The following SH3BGRL2 variants were observed in gnomAD, a reference collection of about 807,000 sequenced individuals.
SH3BGRL2 encodes SH3 domain-binding glutamic acid-rich-like protein 2.
A neutral mutation model predicts 14.8 loss-of-function variants in SH3BGRL2; 21 were observed. The ratio of observed to expected loss-of-function variants is 1.42; its 90% CI spans 1.01 to 2.05. SH3BGRL2 has a LOEUF of 2.05. Ranked by LOEUF, SH3BGRL2 falls within the 30% of genes most tolerant of loss-of-function variation. The pLI is 0.00. For missense variants in SH3BGRL2, 147 were observed against 130.8 expected (o/e 1.12, Z -0.61); for synonymous variants, 50 against 47.8 (o/e 1.05, Z -0.19).
the SH3BGRL2 span, among the ~76,000 whole-genome samples, chr6:79,622,592 C>T: frequency 2.6e-5 from 4 of 152,140 alleles, no homozygotes; most frequent in African/African-American, 4.8e-5. Flanking sequence ...AAGTGTTTCA[C>T]CCCATCCCCC....
the SH3BGRL2 span, among the ~76,000 whole-genome samples, chr6:79,554,124 T>C: frequency 1.5e-5 from 2 of 134,926 alleles, no homozygotes; most frequent in Non-Finnish European, 3.1e-5. Flanking sequence ...AATTATGTAG[T>C]CAGTCGAGCC....
At chr6:79,637,989 G>GT (rs748091838) in intron 1 of SH3BGRL2, among the ~76,000 whole-genome samples, 24 of 152,038 alleles carry the variant, frequency 1.6e-4, no homozygotes, top group African/African-American at 5.8e-4. Flanking sequence ...AGAATTAGAA[G>GT]TTTTTTTAAC....
At chr6:79,671,360 A>C (rs1769769998) in intron 1 of SH3BGRL2, among the ~76,000 whole-genome samples, 1 of 152,158 alleles carries the variant, frequency 6.6e-6, no homozygotes, top group South Asian at 2.1e-4. Flanking sequence ...GAGGCAGGAG[A>C]ATCACTTGAA....
intron 3 of SH3BGRL2, among the ~76,000 whole-genome samples, chr6:79,697,866 A>G (rs1364520805): frequency 2.0e-5 from 3 of 152,212 alleles, no homozygotes; most frequent in Non-Finnish European, 4.4e-5. Context: ...ATCATTGTCT[A>G]TGCAAAAACC....
the SH3BGRL2 span, among the ~76,000 whole-genome samples, chr6:79,563,144 ATT>A: frequency 1.3e-4 from 18 of 138,294 alleles, no homozygotes; most frequent in African/African-American, 1.1e-4. Flanking sequence ...TTTTTTTTGT[ATT>A]TTTTTTTTTT....
the SH3BGRL2 span, among the ~76,000 whole-genome samples, chr6:79,576,454 A>G: frequency 1.3e-5 from 2 of 152,150 alleles, no homozygotes; most frequent in Non-Finnish European, 2.9e-5. Flanking sequence ...ATTGGTTAGC[A>G]GTCATTTCCT....
At chr6:79,650,842 A>C (rs977253740) in intron 1 of SH3BGRL2, among the ~76,000 whole-genome samples, 1 of 151,938 alleles carries the variant, frequency 6.6e-6, no homozygotes, top group African/African-American at 2.4e-5. Flanking sequence ...AAGTATATCA[A>C]TTTATGCCTA....
intron 1 of SH3BGRL2, among the ~76,000 whole-genome samples, chr6:79,631,825 T>A (rs1374256913): frequency 1.3e-5 from 2 of 152,226 alleles, no homozygotes; most frequent in African/African-American, 4.8e-5. Flanking sequence ...TTCAAGAGCT[T>A]CGGGGATCCC....
intron 1 of SH3BGRL2, among the ~76,000 whole-genome samples, chr6:79,665,242 A>G (rs1019181516): frequency 6.6e-6 from 1 of 152,182 alleles, no homozygotes; most frequent in African/African-American, 2.4e-5. Context: ...TTGAAACACC[A>G]TCTTTACAAC....
intron 2 of SH3BGRL2, among the ~76,000 whole-genome samples, chr6:79,678,407 GCTT>G (rs1769926557): frequency 6.6e-6 from 1 of 151,930 alleles, no homozygotes; most frequent in Admixed American, 6.6e-5. Flanking sequence ...TTTGCAACTG[GCTT>G]CTTTCACTTA....
intron 2 of SH3BGRL2, among the ~76,000 whole-genome samples, chr6:79,683,534 C>T (rs1770032562): frequency 6.6e-6 from 1 of 151,876 alleles, no homozygotes; most frequent in Non-Finnish European, 1.5e-5. Context: ...TCACCACTCA[C>T]TGCAGCCAGG....
the SH3BGRL2 span, among the ~76,000 whole-genome samples, chr6:79,624,979 C>G: frequency 6.6e-6 from 1 of 151,934 alleles, no homozygotes; most frequent in Non-Finnish European, 1.5e-5. Context: ...CAGATGAGCC[C>G]AGGCAACATA....
chr6:79,594,013 C>A, the SH3BGRL2 span, among the ~76,000 whole-genome samples: 1 of 126,250 alleles, frequency 7.9e-6, no homozygotes, highest in African/African-American at 3.1e-5. Flanking sequence ...TGACAAGAGC[C>A]AGACTCTGTC....
chr6:79,538,030 T>G, the SH3BGRL2 span, among the ~76,000 whole-genome samples: 6 of 106,076 alleles, frequency 5.7e-5, no homozygotes, highest in African/African-American at 8.3e-5. Flanking sequence ...TTTTTTTTTT[T>G]TTTTTTTTTT....
the SH3BGRL2 span, among the ~76,000 whole-genome samples, chr6:79,568,281 T>G: frequency 6.6e-6 from 1 of 152,188 alleles, no homozygotes; most frequent in African/African-American, 2.4e-5. Context: ...AAATATTTAT[T>G]GCAGCACTGT....
the SH3BGRL2 span, among the ~76,000 whole-genome samples, chr6:79,538,535 T>A: frequency 6.6e-6 from 1 of 152,198 alleles, no homozygotes; most frequent in African/African-American, 2.4e-5. Flanking sequence ...AGATGAGTAA[T>A]CCCTAAATTG....
At chr6:79,668,307 C>A (rs1338499419) in intron 1 of SH3BGRL2, among the ~76,000 whole-genome samples, 1 of 152,126 alleles carries the variant, frequency 6.6e-6, no homozygotes, top group Non-Finnish European at 1.5e-5. Context: ...AGCCTGTCTT[C>A]CAATCAAATC....
the SH3BGRL2 span, among the ~76,000 whole-genome samples, chr6:79,589,354 T>C: frequency 6.6e-6 from 1 of 151,950 alleles, no homozygotes; most frequent in East Asian, 1.9e-4. Flanking sequence ...AAATATAAAA[T>C]TACACTGATT....
At chr6:79,543,666 T>C in the SH3BGRL2 span, among the ~76,000 whole-genome samples, 16 of 152,206 alleles carry the variant, frequency 1.1e-4, no homozygotes, top group African/African-American at 3.9e-4. Flanking sequence ...AAACCCCATA[T>C]TAAAAACAGA....
Sources: gnomAD v4.1 joint callset for allele counts (sites outside exome capture counted in the v4.1 genomes callset) on GRCh38, gnomAD v4.1.1 for gene constraint, MANE v1.5 for transcripts, NCBI Gene and HGNC (gene_info 2026-07-23, HGNC 2026-07-21) for gene names.